Variants in GNAI1 observed in about 807,000 individuals in gnomAD.
GNAI1 encodes G protein subunit alpha i1, also known as guanine nucleotide-binding protein G(i) subunit alpha-1.
In GNAI1, 11 loss-of-function variants were observed where a neutral mutation model predicts 38.9. That is an observed-to-expected ratio of 0.28 (90% CI 0.18 to 0.47). GNAI1 has a LOEUF of 0.47. GNAI1 is among the 20% of genes least tolerant of loss of function. The pLI, the probability that GNAI1 is intolerant of heterozygous loss-of-function variation, is 0.99. For synonymous variants in GNAI1, 166 were observed against 145.1 expected, an observed-to-expected ratio of 1.14 and a Z score of -1.04; for missense variants, 317 against 436.9, an observed-to-expected ratio of 0.73 and a Z score of 2.45.
At chr7:80,212,165 CAT>C (rs1301277766) in intron 6 of GNAI1, among the ~76,000 whole-genome samples, 1 of 152,126 alleles carries the variant, frequency 6.6e-6, no homozygotes, top group African/African-American at 2.4e-5. Flanking sequence ...TGCAACACCA[CAT>C]GTTCATTTCT....
intron 1 of GNAI1, among the ~76,000 whole-genome samples, chr7:80,150,735 A>G (rs1047658070): frequency 1.3e-5 from 2 of 152,122 alleles, no homozygotes; most frequent in Non-Finnish European, 2.9e-5. Context: ...AATAAACAGA[A>G]CTTTTGTTAT....
intron 3 of GNAI1, among the ~76,000 whole-genome samples, chr7:80,197,444 G>A (rs1045391892): frequency 1.3e-5 from 2 of 151,912 alleles, no homozygotes; most frequent in East Asian, 1.9e-4. Flanking sequence ...GTCAAAAAAC[G>A]CTATTGAAAT....
intron 1 of GNAI1, among the ~76,000 whole-genome samples, chr7:80,187,996 C>G (rs1268395583): frequency 6.6e-6 from 1 of 152,144 alleles, no homozygotes; most frequent in Non-Finnish European, 1.5e-5. Flanking sequence ...TTGAGGAGAG[C>G]CTGCATGTAT....
chr7:80,145,554 A>G (rs1390831751), intron 1 of GNAI1, among the ~76,000 whole-genome samples: 3 of 152,160 alleles, frequency 2.0e-5, no homozygotes, highest in African/African-American at 7.2e-5. Flanking sequence ...TGAGCTTTAC[A>G]TTTTAGTGGT....
intron 1 of GNAI1, among the ~76,000 whole-genome samples, chr7:80,188,593 T>G (rs1247131423): frequency 1.3e-5 from 2 of 152,212 alleles, no homozygotes; most frequent in Non-Finnish European, 2.9e-5. Flanking sequence ...AATATATGTA[T>G]CAAAATGGTT....
At position 80,218,164 on chromosome 7, in the gene GNAI1, T is replaced by C. The variant is rs1042867713; in HGVS notation, c.*671T>C. The C allele has an allele frequency of 6.6e-6, 1 of 152,226 alleles. No homozygotes were observed. Among genetic ancestry groups the C allele is most frequent in the African/African-American group, 2.4e-5 (1 of 41,462 alleles). 9.4% of individuals were successfully genotyped at this position (152,226 alleles called of 1,614,324 possible). A position where few individuals can be genotyped will look rare whatever the true frequency, so the allele number is the denominator to read the frequency against. ...TTTAAACATTGTATGCATTTTGATT[T>C]TTCCTACTTTAAGAAAATAAAATAA... On this transcript the variant is annotated 3_prime_UTR_variant, in exon 8 of 8. Coordinates refer to ENST00000649796, the MANE Select transcript of GNAI1 (RefSeq NM_002069.6).
At chr7:80,155,752 T>A (rs915441421) in intron 1 of GNAI1, among the ~76,000 whole-genome samples, 5 of 151,820 alleles carry the variant, frequency 3.3e-5, no homozygotes, top group African/African-American at 1.2e-4. Flanking sequence ...TACAGTGTGT[T>A]ATTGAGCAGA....
At chr7:80,156,042 CAAA>C (rs1182960135) in intron 1 of GNAI1, among the ~76,000 whole-genome samples, 1 of 68,526 alleles carries the variant, frequency 1.5e-5, no homozygotes, top group South Asian at 6.1e-4. Flanking sequence ...GACTCTGTCT[CAAA>C]AAAAAAAAAA....
chr7:80,199,134 C>T, intron 3 of GNAI1, 91 bp from the exon 4 acceptor site: 2 of 786,666 alleles, frequency 2.5e-6, no homozygotes, highest in Non-Finnish European at 3.8e-6. Flanking sequence ...TCGCTATTGC[C>T]TTTTTTTTTT....
chr7:80,177,197 A>T (rs1396493092), intron 1 of GNAI1, among the ~76,000 whole-genome samples: 1 of 151,270 alleles, frequency 6.6e-6, no homozygotes, highest in Non-Finnish European at 1.5e-5. Flanking sequence ...TGCCCTGTTA[A>T]CTTTTTGTAT....
chr7:80,208,077 C>T (rs1416151429), intron 5 of GNAI1, among the ~76,000 whole-genome samples: 2 of 151,912 alleles, frequency 1.3e-5, no homozygotes, highest in Non-Finnish European at 2.9e-5. Flanking sequence ...AGCTTTGTAC[C>T]AGTTAGTTTT....
chr7:80,178,865 T>A (rs1788241658), intron 1 of GNAI1, among the ~76,000 whole-genome samples: 1 of 152,212 alleles, frequency 6.6e-6, no homozygotes, highest in African/African-American at 2.4e-5. Flanking sequence ...GTAATCAAAC[T>A]TTAAGAAGTT....
chr7:80,187,853 T>G (rs1388205723), intron 1 of GNAI1, among the ~76,000 whole-genome samples: 1 of 152,148 alleles, frequency 6.6e-6, no homozygotes, highest in Non-Finnish European at 1.5e-5. Context: ...GACAAATAAT[T>G]GATCTAATTT....
rs1562818747 is a variant in GNAI1 at position 80,135,290 on chromosome 7, C to T, written c.118+12C>T. The T allele has an allele frequency of 2.1e-6, 3 of 1,417,216 alleles. No individual in the cohort carries two copies. Among genetic ancestry groups the T allele is most frequent in the Admixed American group, 2.7e-5 (1 of 37,404 alleles). The allele number at this position is 1,417,216 out of a possible 1,614,324, so 87.8% of individuals were successfully genotyped here. A position where few individuals can be genotyped will look rare whatever the true frequency, so the allele number is the denominator to read the frequency against. Reference sequence around the variant, plus strand: ...GCTGCTGCTGCTCGGTAAGGGCGGCCGGGTCGGGGCCCGGGGGTCGGCGGG... The same window carrying T: ...GCTGCTGCTGCTCGGTAAGGGCGGCTGGGTCGGGGCCCGGGGGTCGGCGGG... On this transcript the variant is annotated intron_variant, in intron 1 of 7. Transcript: ENST00000649796.
intron 5 of GNAI1, among the ~76,000 whole-genome samples, chr7:80,205,624 T>C (rs1239078811): frequency 6.6e-6 from 1 of 152,146 alleles, no homozygotes; most frequent in Non-Finnish European, 1.5e-5. Context: ...TGGAGTTTTT[T>C]GGTTTCTTTG....
chr7:80,157,643 T>G (rs1787841233), intron 1 of GNAI1, among the ~76,000 whole-genome samples: 1 of 152,178 alleles, frequency 6.6e-6, no homozygotes, highest in South Asian at 2.1e-4. Context: ...CTAATAAATG[T>G]GTAGTGGTAT....
chr7:80,151,423 A>AAACC (rs1486745519), intron 1 of GNAI1, among the ~76,000 whole-genome samples: 6 of 152,166 alleles, frequency 3.9e-5, no homozygotes, highest in African/African-American at 1.4e-4. Flanking sequence ...ATTACACACA[A>AAACC]AACCACAAAC....
chr7:80,147,374 TA>T (rs35187234), intron 1 of GNAI1, among the ~76,000 whole-genome samples: 12,482 of 139,184 alleles, frequency 0.09, 571 homozygotes, highest in Non-Finnish European at 0.12. Flanking sequence ...GTATCCTTAT[TA>T]AAAAAAAAAA....
chr7:80,138,663 T>C (rs570431519), intron 1 of GNAI1, among the ~76,000 whole-genome samples: 60 of 152,340 alleles, frequency 3.9e-4, no homozygotes, highest in South Asian at 8.3e-4. Context: ...TATTATTTTA[T>C]TATGTATTTG....
Sources: allele counts gnomAD v4.1 joint callset (sites outside exome capture counted in the v4.1 genomes callset), GRCh38; gene constraint gnomAD v4.1.1; transcripts MANE v1.5; gene names NCBI Gene and HGNC (gene_info 2026-07-23, HGNC 2026-07-21).